SMIM41: variants seen among roughly 807,000 people sequenced by gnomAD.
The protein encoded by SMIM41 is small integral membrane protein 41.
chr12:52,080,084 C>A lies in SMIM41; in HGVS notation c.*23C>A, dbSNP rs1939796131. 5 of 355,760 alleles carry A rather than the reference C, an allele frequency of 1.4e-5. No individual in the cohort carries two copies. In the South Asian group the frequency reaches 4.1e-4, roughly 29 times the overall value. 22.0% of individuals were successfully genotyped at this position (355,760 alleles called of 1,614,324 possible). The stretch of plus-strand genomic sequence containing the variant: ...TAGGCGCCCGGCTGCGCTCGGTGGT[C>A]GCGGCCTCCAGGCAGCCCCTGACTC... On this transcript the variant is annotated 3_prime_UTR_variant, in exon 1 of 3. Coordinates refer to ENST00000546390, the MANE Select transcript of SMIM41 (RefSeq NM_001369216.1).
At chr12:52,095,770 T>C (rs899383177) in intron 2 of SMIM41, among the ~76,000 whole-genome samples, 1 of 152,032 alleles carries the variant, frequency 6.6e-6, no homozygotes, top group Non-Finnish European at 1.5e-5. Context: ...AGGGGGGCTG[T>C]ACACACCCTG....
At chr12:52,086,656 G>C (rs1365739303) in intron 2 of SMIM41, among the ~76,000 whole-genome samples, 1 of 152,154 alleles carries the variant, frequency 6.6e-6, no homozygotes, top group African/African-American at 2.4e-5. Flanking sequence ...CCCTGGCTCA[G>C]AGCTGCAGCC....
At chr12:52,105,150 C>T (rs1460378521) in intron 2 of SMIM41, among the ~76,000 whole-genome samples, 1 of 152,206 alleles carries the variant, frequency 6.6e-6, no homozygotes, top group Non-Finnish European at 1.5e-5. Context: ...GGCCGATGCC[C>T]CTGCTCACTG....
At chr12:52,101,529 T>C (rs1940216814) in intron 2 of SMIM41, among the ~76,000 whole-genome samples, 1 of 152,088 alleles carries the variant, frequency 6.6e-6, no homozygotes, top group Non-Finnish European at 1.5e-5. Flanking sequence ...AAGTGGATAA[T>C]TGGGTCCCAA....
chr12:52,100,549 C>T (rs554530091), intron 2 of SMIM41, among the ~76,000 whole-genome samples: 2 of 151,970 alleles, frequency 1.3e-5, no homozygotes, highest in South Asian at 2.1e-4. Context: ...CTCTGCCTCC[C>T]GTATTCAAGC....
At chr12:52,085,326 T>A (rs1371903040) in intron 2 of SMIM41, among the ~76,000 whole-genome samples, 2 of 152,154 alleles carry the variant, frequency 1.3e-5, no homozygotes, top group African/African-American at 2.4e-5. Context: ...TGGTCTGGAT[T>A]TGAATTCTGG....
At chr12:52,098,968 A>G (rs1415597755) in intron 2 of SMIM41, among the ~76,000 whole-genome samples, 12 of 151,770 alleles carry the variant, frequency 7.9e-5, no homozygotes, top group African/African-American at 2.7e-4. Context: ...ACAATATCAC[A>G]GGGTTGTGTA....
In SMIM41 at chr12:52,092,495, A is replaced by C. The variant is rs572382094; in HGVS notation, c.*195+8527A>C. The C allele has an allele frequency of 5.9e-5, 9 of 152,342 alleles. No homozygotes were observed. The East Asian group carries it at 1.7e-3, about 29-fold the overall frequency. The allele number at this position is 152,342 out of a possible 1,614,324, so 9.4% of individuals were successfully genotyped here. A position where few individuals can be genotyped will look rare whatever the true frequency, so the allele number is the denominator to read the frequency against. On this transcript the variant is annotated intron_variant, in intron 2 of 2. Transcript: ENST00000546390. ...TGAGGATTCTGTGTTAAGCAAAGAT[A>C]AACAGGCTTCTTTATTGTAGTTCTT...
chr12:52,104,001 T>C (rs1393800842), intron 2 of SMIM41, among the ~76,000 whole-genome samples: 3 of 130,968 alleles, frequency 2.3e-5, no homozygotes, highest in East Asian at 2.2e-4. Flanking sequence ...AACTGAAAAA[T>C]AGTGGAAATT....
chr12:52,080,774 G>T (rs903477895), intron 1 of SMIM41, among the ~76,000 whole-genome samples: 1 of 152,220 alleles, frequency 6.6e-6, no homozygotes, highest in African/African-American at 2.4e-5. Context: ...ACAGGGAGGG[G>T]AGTGTGGTCA....
intron 2 of SMIM41, among the ~76,000 whole-genome samples, chr12:52,095,990 T>G (rs1422026852): frequency 6.6e-6 from 1 of 152,070 alleles, no homozygotes; most frequent in African/African-American, 2.4e-5. Flanking sequence ...AGAATGGATG[T>G]ACACCCCCGG....
At chr12:52,098,347 A>G (rs138887901) in intron 2 of SMIM41, among the ~76,000 whole-genome samples, 4,212 of 116,454 alleles carry the variant, frequency 0.036, 62 homozygotes, top group South Asian at 0.1. Context: ...TTGGATATTC[A>G]GTGCACTATT....
At chr12:52,103,220 G>A (rs896588733) in intron 2 of SMIM41, among the ~76,000 whole-genome samples, 2 of 151,980 alleles carry the variant, frequency 1.3e-5, no homozygotes, top group South Asian at 2.1e-4. Flanking sequence ...CCAGCTACTC[G>A]GGAGGCTGAG....
At chr12:52,087,179 G>A (rs528979358) in intron 2 of SMIM41, among the ~76,000 whole-genome samples, 7 of 152,174 alleles carry the variant, frequency 4.6e-5, no homozygotes, top group Non-Finnish European at 7.3e-5. Context: ...GAGGAGGGCC[G>A]GGCCTCCGCC....
At chr12:52,106,334 G>A (rs112310936) in intron 2 of SMIM41, among the ~76,000 whole-genome samples, 7,050 of 151,298 alleles carry the variant, frequency 0.047, 204 homozygotes, top group African/African-American at 0.081. Flanking sequence ...TTCGACTTAC[G>A]TGATTCTTTT....
intron 2 of SMIM41, among the ~76,000 whole-genome samples, chr12:52,093,879 C>G (rs1479762978): frequency 6.6e-6 from 1 of 151,946 alleles, no homozygotes; most frequent in Non-Finnish European, 1.5e-5. Context: ...GCCTGTAATC[C>G]CAGCACTTTG....
intron 2 of SMIM41, among the ~76,000 whole-genome samples, chr12:52,084,446 G>C (rs184191515): frequency 3.3e-5 from 5 of 151,472 alleles, no homozygotes; most frequent in African/African-American, 1.2e-4. Context: ...CCCCTGAAGA[G>C]CTCACATTCT....
intron 1 of SMIM41, among the ~76,000 whole-genome samples, chr12:52,083,112 T>C (rs1403351858): frequency 6.6e-6 from 1 of 152,152 alleles, no homozygotes; most frequent in African/African-American, 2.4e-5. Context: ...GCCTGCTGCA[T>C]GTCCTGGGCA....
At position 52,107,468 on chromosome 12, in the gene SMIM41, T is replaced by A; in HGVS notation, c.*285T>A. 2 of 630,408 alleles carry A rather than the reference T, an allele frequency of 3.2e-6. No individual in the cohort carries two copies. The highest frequency in any genetic ancestry group is 4.0e-5 in the East Asian group (1 of 25,096). 39.1% of individuals were successfully genotyped at this position (630,408 alleles called of 1,614,324 possible). A position where few individuals can be genotyped will look rare whatever the true frequency, so the allele number is the denominator to read the frequency against. On this transcript the variant is annotated 3_prime_UTR_variant, in exon 3 of 3. Transcript: ENST00000546390. Reference sequence around the variant, plus strand: ...ATGGTGCTGGGGAACCTGCTCATCATCCGGCCATGAGCCCTGACTCCCACC... The same window carrying A: ...ATGGTGCTGGGGAACCTGCTCATCAACCGGCCATGAGCCCTGACTCCCACC...
Sources: allele counts gnomAD v4.1 joint callset (sites outside exome capture counted in the v4.1 genomes callset), GRCh38; gene constraint gnomAD v4.1.1; transcripts MANE v1.5; gene names NCBI Gene and HGNC (gene_info 2026-07-23, HGNC 2026-07-21).